The following CFAP47 variants were observed in gnomAD, a reference collection of about 807,000 sequenced individuals.
The protein encoded by CFAP47 is cilia- and flagella-associated protein 47.
A neutral mutation model predicts 148.1 loss-of-function variants in CFAP47; 29 were observed. The ratio of observed to expected loss-of-function variants is 0.20; its 90% CI spans 0.15 to 0.27. CFAP47 has a LOEUF of 0.27. Ranked by LOEUF, CFAP47 falls within the 10% of genes least tolerant of loss-of-function variation. The probability of loss-of-function intolerance (pLI) is 1.00; values close to 1 mark genes in which losing one functional copy is unlikely to be tolerated. For synonymous variants in CFAP47, 664 were observed against 577.3 expected, an observed-to-expected ratio of 1.15 and a Z score of -2.15; for missense variants, 1,872 against 1,697.5, an observed-to-expected ratio of 1.10 and a Z score of -1.81.
At chrX:36,145,113 G>T in intron 35 of CFAP47, 106 bp from the exon 36 acceptor site, 2 of 319,632 alleles carry the variant, frequency 6.3e-6, no homozygotes, top group Non-Finnish European at 1.1e-5. Context: ...GTGTGTGTAT[G>T]TGTGTGTATG....
In CFAP47 at chrX:36,145,238, C is replaced by A. The variant is rs1033379490; in HGVS notation, c.5555C>A (p.Pro1852Gln). 3 of 300,716 alleles carry A rather than the reference C, an allele frequency of 1.0e-5. No homozygotes were observed. The highest frequency in any genetic ancestry group is 8.3e-5 in the African/African-American group (3 of 36,171). 24.8% of individuals were successfully genotyped at this position (300,716 alleles called of 1,213,427 possible). A position where few individuals can be genotyped will look rare whatever the true frequency, so the allele number is the denominator to read the frequency against. ...VEIQATDICD[P>Q]NPILMLMLCV... ...AACTAGGCCACAGACATCTGTGACC[C>A]AAATCCAATCCTGATGCTCATGCTT... Residue 1852 changes from proline (P) to glutamine (Q), a missense_variant, in exon 36 of 64, where the codon CCA becomes CAA. Pro to Gln is a moderately conservative substitution (Grantham distance 76). Coordinates refer to ENST00000378653, the MANE Select transcript of CFAP47 (RefSeq NM_001304548.2).
chrX:36,289,844 A>G (rs181549506), intron 51 of CFAP47, among the ~76,000 whole-genome samples: 80 of 111,796 alleles, frequency 7.2e-4, no homozygotes, highest in African/African-American at 2.5e-3. Context: ...TTCAACCGAG[A>G]GTGGACTCAA....
intron 57 of CFAP47, among the ~76,000 whole-genome samples, chrX:36,322,726 C>A (rs1371335261): frequency 9.1e-6 from 1 of 110,295 alleles, no homozygotes; most frequent in African/African-American, 3.3e-5. Flanking sequence ...TTATTGTCTT[C>A]TCTAGTTTCT....
Position 36,216,868 on chromosome X carries a change from T to C in CFAP47, c.6817+11758T>C, listed in dbSNP as rs138126151. ...TATCTCAAGCACTGATCTTGGGCTT[T>C]ACAATAGTGATGTTATCTCCAGGAG... On this transcript the variant is annotated intron_variant, in intron 45 of 63. Transcript: ENST00000378653. 7.0e-4 allele frequency among the ~76,000 whole-genome samples: 73 copies of C among 104,244 alleles called. No homozygotes were observed. In the East Asian group the frequency reaches 0.021, roughly 30 times the overall value. The allele number at this position is 104,244 out of a possible 115,157, so 90.5% of individuals were successfully genotyped here. A position where few individuals can be genotyped will look rare whatever the true frequency, so the allele number is the denominator to read the frequency against.
At chrX:35,960,225 C>T (rs1936305621) in intron 8 of CFAP47, among the ~76,000 whole-genome samples, 1 of 106,922 alleles carries the variant, frequency 9.4e-6, no homozygotes, top group African/African-American at 3.4e-5. Flanking sequence ...CAGGTGTGAG[C>T]CACTGCGCCC....
chrX:35,964,197 A>G (rs1193238136), intron 8 of CFAP47, among the ~76,000 whole-genome samples: 1 of 111,426 alleles, frequency 9.0e-6, no homozygotes, highest in Non-Finnish European at 1.9e-5. Flanking sequence ...AAATGTCTTA[A>G]TTTATACTTC....
chrX:36,092,156 C>A (rs767413140), intron 30 of CFAP47, among the ~76,000 whole-genome samples: 3 of 111,313 alleles, frequency 2.7e-5, no homozygotes, highest in African/African-American at 9.7e-5. Flanking sequence ...TATGTACATA[C>A]ATAGGCTTTA....
intron 51 of CFAP47, among the ~76,000 whole-genome samples, chrX:36,287,882 T>C (rs1193498027): frequency 1.8e-5 from 2 of 112,164 alleles, no homozygotes; most frequent in Non-Finnish European, 3.8e-5. Flanking sequence ...GTCCATTATT[T>C]GAAGAAGATG....
chrX:36,194,936 T>C (rs891057608), intron 42 of CFAP47, among the ~76,000 whole-genome samples: 2 of 112,049 alleles, frequency 1.8e-5, no homozygotes, highest in African/African-American at 6.5e-5. Context: ...ACACAGAAAC[T>C]TTGCATGAAT....
intron 49 of CFAP47, among the ~76,000 whole-genome samples, chrX:36,271,127 T>C (rs1229186381): frequency 9.0e-6 from 1 of 111,697 alleles, no homozygotes; most frequent in Non-Finnish European, 1.9e-5. Context: ...TAGTGGAAGA[T>C]TTTTTAGGCC....
intron 42 of CFAP47, among the ~76,000 whole-genome samples, chrX:36,193,999 C>G: frequency 9.0e-6 from 1 of 111,472 alleles, no homozygotes; most frequent in Non-Finnish European, 1.9e-5. Flanking sequence ...TGACATGGCA[C>G]AGCTGAGGAA....
At chrX:35,993,516 AG>A (rs1486105224) in intron 18 of CFAP47, among the ~76,000 whole-genome samples, 195 bp downstream of exon 18, 1 of 112,339 alleles carries the variant, frequency 8.9e-6, no homozygotes, top group Non-Finnish European at 1.9e-5. Context: ...ATTTTCAAAA[AG>A]TATATTATTT....
chrX:36,190,902 A>G lies in CFAP47; in HGVS notation c.6321+706A>G, dbSNP rs782482665. Among the ~76,000 whole-genome samples, 8 of 111,579 alleles carry G rather than the reference A, an allele frequency of 7.2e-5. No homozygotes were observed. The South Asian group carries it at 3.0e-3, about 42-fold the overall frequency. ...GTGTTGACCTTAGGAAGAAATTTATAACCCCCAGGATGTAGTCCCAAATTT... is the reference window on the plus strand; with the variant it reads ...GTGTTGACCTTAGGAAGAAATTTATGACCCCCAGGATGTAGTCCCAAATTT... On this transcript the variant is annotated intron_variant, in intron 42 of 63. Coordinates refer to ENST00000378653, the MANE Select transcript of CFAP47 (RefSeq NM_001304548.2).
chrX:36,156,991 G>C (rs746154869), intron 37 of CFAP47, among the ~76,000 whole-genome samples: 1 of 109,802 alleles, frequency 9.1e-6, no homozygotes, highest in Non-Finnish European at 1.9e-5. Flanking sequence ...GGTCATTCTT[G>C]AATGCTTCTC....
chrX:36,251,027 A>C (rs1569299979), intron 48 of CFAP47, among the ~76,000 whole-genome samples: 1 of 111,533 alleles, frequency 9.0e-6, no homozygotes, highest in African/African-American at 3.2e-5. Flanking sequence ...GATGAGAGCT[A>C]TTCAGACTTT....
At chrX:36,124,616 C>T (rs73197127) in intron 33 of CFAP47, among the ~76,000 whole-genome samples, 2 of 111,570 alleles carry the variant, frequency 1.8e-5, no homozygotes, top group Non-Finnish European at 3.8e-5. Flanking sequence ...CAGAAATGCT[C>T]TCTGCCCCAC....
intron 57 of CFAP47, among the ~76,000 whole-genome samples, chrX:36,328,511 AAAAG>A (rs1216375607): frequency 4.8e-4 from 54 of 112,269 alleles, no homozygotes; most frequent in Middle Eastern, 4.7e-3. Flanking sequence ...AAAATTTTGT[AAAAG>A]AAAAGCAAAT....
At chrX:36,017,908 A>G (rs1460489384) in intron 22 of CFAP47, among the ~76,000 whole-genome samples, 1 of 110,857 alleles carries the variant, frequency 9.0e-6, no homozygotes, top group Non-Finnish European at 1.9e-5. Flanking sequence ...GAAGAATGTC[A>G]TTGGTATTTT....
At chrX:36,168,312 C>T (rs1237060951) in intron 39 of CFAP47, among the ~76,000 whole-genome samples, 1 of 111,077 alleles carries the variant, frequency 9.0e-6, no homozygotes, top group Non-Finnish European at 1.9e-5. Flanking sequence ...ATTTTAATTC[C>T]TTTTAGTTCC....
Sources: gnomAD v4.1 joint callset for allele counts (sites outside exome capture counted in the v4.1 genomes callset) on GRCh38, gnomAD v4.1.1 for gene constraint, MANE v1.5 for transcripts, NCBI Gene and HGNC (gene_info 2026-07-23, HGNC 2026-07-21) for gene names.